The following CCDC60 variants were observed in gnomAD, a reference collection of about 807,000 sequenced individuals.
CCDC60 encodes the protein coiled-coil domain containing 60.
A neutral mutation model predicts 63.5 loss-of-function variants in CCDC60; 54 were observed. The ratio of observed to expected loss-of-function variants is 0.85; its 90% CI spans 0.68 to 1.07. The LOEUF is 1.07. Among genes scored for constraint, CCDC60 ranks in the 50% least tolerant of loss-of-function variants. The pLI is 0.00. For synonymous variants in CCDC60, 206 were observed against 238.8 expected (o/e 0.86, Z 1.27); for missense variants, 651 against 684.3 (o/e 0.95, Z 0.54).
chr12:119,415,969 A>G (rs1956691774), intron 1 of CCDC60, among the ~76,000 whole-genome samples: 1 of 152,100 alleles, frequency 6.6e-6, no homozygotes, highest in South Asian at 2.1e-4. Context: ...GAGGGTACTG[A>G]GCTCTCCCAC....
At chr12:119,480,921 C>T (rs1217795401) in intron 4 of CCDC60, among the ~76,000 whole-genome samples, 2 of 145,824 alleles carry the variant, frequency 1.4e-5, no homozygotes, top group Non-Finnish European at 3.0e-5. Context: ...CCATCACCAT[C>T]ATCATCACCA....
chr12:119,378,277 G>T (rs188398915), intron 1 of CCDC60, among the ~76,000 whole-genome samples: 1 of 152,302 alleles, frequency 6.6e-6, no homozygotes, highest in Non-Finnish European at 1.5e-5. Flanking sequence ...TGGCCCTCAG[G>T]TAGCCTTTTC....
chr12:119,499,560 C>T (rs1951797537), intron 5 of CCDC60, among the ~76,000 whole-genome samples: 3 of 152,142 alleles, frequency 2.0e-5, no homozygotes, highest in African/African-American at 7.2e-5. Flanking sequence ...AAAGGTGTTG[C>T]ACACAGTGTC....
At chr12:119,523,387 G>C (rs180859626) in intron 10 of CCDC60, among the ~76,000 whole-genome samples, 2 of 152,234 alleles carry the variant, frequency 1.3e-5, no homozygotes, top group Non-Finnish European at 2.9e-5. Context: ...CTTTGAGCCT[G>C]AATCTCCCAG....
chr12:119,535,920 G>A (rs1446665265), intron 13 of CCDC60, among the ~76,000 whole-genome samples: 2 of 152,322 alleles, frequency 1.3e-5, no homozygotes, highest in East Asian at 1.9e-4. Flanking sequence ...TTCTGTAGAT[G>A]TCTATTAGGT....
chr12:119,344,057 A>G (rs1207467763), intron 1 of CCDC60, among the ~76,000 whole-genome samples: 1 of 152,028 alleles, frequency 6.6e-6, no homozygotes, highest in Non-Finnish European at 1.5e-5. Context: ...GGAAATATCT[A>G]GTGTGTTACT....
At chr12:119,529,534 A>G (rs1167028808) in intron 12 of CCDC60, among the ~76,000 whole-genome samples, 1 of 152,204 alleles carries the variant, frequency 6.6e-6, no homozygotes, top group African/African-American at 2.4e-5. Context: ...GTAAGATGAG[A>G]AAGTAAAAAA....
chr12:119,522,884 C>T lies in CCDC60; in HGVS notation c.1041-55C>T, dbSNP rs1655402165. 1.0e-5 allele frequency: 16 copies of T among 1,552,524 alleles called. 1 individual carries two copies. The Middle Eastern group carries it at 1.0e-3, about 98-fold the overall frequency. ...AGGTGCCATGGAGCACTGGGGGCAC[C>T]CTTTTCTTGAAAAGCAGACTCTGAG... On this transcript the variant is annotated intron_variant, in intron 9 of 13. Coordinates refer to ENST00000327554, the MANE Select transcript of CCDC60 (RefSeq NM_178499.5).
chr12:119,534,317 T>C (rs573318319), intron 13 of CCDC60, among the ~76,000 whole-genome samples: 27 of 152,206 alleles, frequency 1.8e-4, no homozygotes, highest in Admixed American at 3.9e-4. Context: ...GATTTTGGGC[T>C]GAGACAATGG....
chr12:119,397,262 A>G (rs1195985654), intron 1 of CCDC60, among the ~76,000 whole-genome samples: 7 of 152,208 alleles, frequency 4.6e-5, no homozygotes, highest in Admixed American at 4.6e-4. Flanking sequence ...TGATCTGAAA[A>G]GGGACCTGAG....
At chr12:119,487,046 G>A (rs1422703733) in intron 4 of CCDC60, among the ~76,000 whole-genome samples, 2 of 152,074 alleles carry the variant, frequency 1.3e-5, no homozygotes, top group Non-Finnish European at 2.9e-5. Flanking sequence ...TTGTTTCCAG[G>A]AAAAAGGCAG....
chr12:119,514,222 GC>G (rs1249009464), intron 7 of CCDC60, among the ~76,000 whole-genome samples: 3 of 151,846 alleles, frequency 2.0e-5, no homozygotes, highest in African/African-American at 7.3e-5. Flanking sequence ...TGTTGCCCAG[GC>G]TGGAGTGCAG....
chr12:119,345,821 T>G lies in CCDC60; in HGVS notation c.90+10555T>G, dbSNP rs192623161. 4.3e-3 allele frequency among the ~76,000 whole-genome samples: 660 copies of G among 152,130 alleles called. 6 individuals carry two copies. Among genetic ancestry groups the G allele is most frequent in the African/African-American group, 0.014 (595 of 41,504 alleles). ...TTTTGTTTGTTTGTTTTTTGTTTTTTTTTGTTTGTTTGTTTTGAGACAGTC... is the reference window on the plus strand; with the variant it reads ...TTTTGTTTGTTTGTTTTTTGTTTTTGTTTGTTTGTTTGTTTTGAGACAGTC... On this transcript the variant is annotated intron_variant, in intron 1 of 13. Transcript: ENST00000327554.
chr12:119,460,082 C>G (rs1451517944), intron 2 of CCDC60, among the ~76,000 whole-genome samples: 1 of 127,608 alleles, frequency 7.8e-6, no homozygotes, highest in Non-Finnish European at 1.6e-5. Context: ...GATAGCATCA[C>G]CTGAAGTAGG....
chr12:119,418,386 C>CTTTTTTTTTTTTTTTTTTTT lies in CCDC60; in HGVS notation c.91-10270_91-10251dup, dbSNP rs556783132. Among the ~76,000 whole-genome samples, 24 of 65,756 alleles carry CTTTTTTTTTTTTTTTTTTTT rather than the reference C, an allele frequency of 3.6e-4. 2 individuals carry two copies. Among genetic ancestry groups the CTTTTTTTTTTTTTTTTTTTT allele is most frequent in the East Asian group, 7.3e-4 (1 of 1,374 alleles). The allele number at this position is 65,756 out of a possible 152,430, so 43.1% of individuals were successfully genotyped here. ...TCTTTCTTTTTCCTTTTCTTTCTTTCTTTTTTTTTTTTTTTTTTTTTTTTT... is the reference window on the plus strand; with the variant it reads ...TCTTTCTTTTTCCTTTTCTTTCTTTCTTTTTTTTTTTTTTTTTTTTTTTTTTTTTTTTTTTTTTTTTTTTT... On this transcript the variant is annotated intron_variant, in intron 1 of 13. Transcript: ENST00000327554.
At chr12:119,508,692 G>A (rs942150848) in intron 7 of CCDC60, among the ~76,000 whole-genome samples, 40 of 152,192 alleles carry the variant, frequency 2.6e-4, no homozygotes, top group Non-Finnish European at 8.8e-5. Flanking sequence ...AGAGCACGCA[G>A]GGCCTTTGTG....
intron 6 of CCDC60, among the ~76,000 whole-genome samples, chr12:119,502,690 A>AC (rs1448160850): frequency 6.6e-6 from 1 of 152,094 alleles, no homozygotes; most frequent in African/African-American, 2.4e-5. Flanking sequence ...CAAGGAAGAC[A>AC]CCCCTGGATA....
At chr12:119,432,414 T>C (rs1393031086) in intron 2 of CCDC60, among the ~76,000 whole-genome samples, 1 of 152,304 alleles carries the variant, frequency 6.6e-6, no homozygotes, top group East Asian at 1.9e-4. Context: ...AAATACAGAA[T>C]TTCATGGGCA....
rs869083844 is a variant in CCDC60, at chr12:119,350,206, TTTA to T, written c.90+14943_90+14945del. On this transcript the variant is annotated intron_variant, in intron 1 of 13. Transcript: ENST00000327554. ...ATTTATTTATTTATTTATTTATTTA[TTTA>T]TTTTTTGAGACAGAGTCTCGCTCTG... 2.8e-3 allele frequency among the ~76,000 whole-genome samples: 390 copies of T among 137,106 alleles called. 1 individual carries two copies. Among genetic ancestry groups the T allele is most frequent in the Non-Finnish European group, 4.3e-3 (280 of 64,834 alleles). The allele number at this position is 137,106 out of a possible 152,430, so 89.9% of individuals were successfully genotyped here. A position where few individuals can be genotyped will look rare whatever the true frequency, so the allele number is the denominator to read the frequency against.
Sources: gnomAD v4.1 joint callset for allele counts (sites outside exome capture counted in the v4.1 genomes callset) on GRCh38, gnomAD v4.1.1 for gene constraint, MANE v1.5 for transcripts, NCBI Gene and HGNC (gene_info 2026-07-23, HGNC 2026-07-21) for gene names.